The following PJA2 variants were observed in gnomAD, a reference collection of about 807,000 sequenced individuals.
PJA2 encodes praja ring finger ubiquitin ligase 2.
A neutral mutation model predicts 69.3 loss-of-function variants in PJA2; 25 were observed. The ratio of observed to expected loss-of-function variants is 0.36; its 90% CI spans 0.26 to 0.50. PJA2 has a LOEUF of 0.50. Ranked by LOEUF, PJA2 falls within the 20% of genes least tolerant of loss-of-function variation. The pLI, the probability that PJA2 is intolerant of heterozygous loss-of-function variation, is 0.96. For synonymous variants in PJA2, 308 were observed against 277.8 expected (o/e 1.11, Z -1.08); for missense variants, 809 against 830.2 (o/e 0.97, Z 0.31).
At chr5:109,363,857 A>G (rs1206530999) in intron 5 of PJA2, among the ~76,000 whole-genome samples, 1 of 152,178 alleles carries the variant, frequency 6.6e-6, no homozygotes, top group Non-Finnish European at 1.5e-5. Context: ...GGAAGAAAAA[A>G]AAGGACTCAT....
intron 1 of PJA2, among the ~76,000 whole-genome samples, chr5:109,386,335 C>T (rs929118712): frequency 6.6e-6 from 1 of 152,092 alleles, no homozygotes; most frequent in African/African-American, 2.4e-5. Flanking sequence ...CACTTAGCAA[C>T]ATGGAGGATA....
At chr5:109,364,492 G>A (rs979077257) in intron 5 of PJA2, among the ~76,000 whole-genome samples, 4 of 150,208 alleles carry the variant, frequency 2.7e-5, no homozygotes, top group African/African-American at 7.3e-5. Context: ...GCGTAGTGGC[G>A]GGCGCCTGTA....
chr5:109,341,477 C>T (rs1400417715), intron 9 of PJA2, among the ~76,000 whole-genome samples: 11 of 135,556 alleles, frequency 8.1e-5, no homozygotes, highest in South Asian at 5.1e-4. Context: ...GGAGCCTCTC[C>T]GCCCGGCAGC....
At chr5:109,356,176 T>TA in intron 6 of PJA2, 150 bp from the exon 7 acceptor site, 1 of 597,376 alleles carries the variant, frequency 1.7e-6, no homozygotes, top group Admixed American at 2.9e-5. Context: ...CTTGTAGGGT[T>TA]AGGGGCAGGA....
At chr5:109,351,275 A>C (rs1054343662) in intron 7 of PJA2, among the ~76,000 whole-genome samples, 2 of 151,928 alleles carry the variant, frequency 1.3e-5, no homozygotes, top group Non-Finnish European at 2.9e-5. Context: ...CCTTACATTC[A>C]TAAGATGAAA....
rs1761925376 is a variant in PJA2, at chr5:109,335,610, T to C, written c.*1621A>G. The C allele has an allele frequency of 1.3e-5, 2 of 152,180 alleles. No individual in the cohort carries two copies. Among genetic ancestry groups the C allele is most frequent in the South Asian group, 4.1e-4 (2 of 4,834 alleles). 9.4% of individuals were successfully genotyped at this position (152,180 alleles called of 1,614,324 possible). ...ACACTAGCCACAAATTTCCACCATA[T>C]ACACATGAAATTAATTTTAATCTGT... On this transcript the variant is annotated 3_prime_UTR_variant, in exon 10 of 10. Coordinates refer to ENST00000361189, the MANE Select transcript of PJA2 (RefSeq NM_014819.5).
intron 1 of PJA2, among the ~76,000 whole-genome samples, chr5:109,395,559 A>G (rs989368881): frequency 2.0e-5 from 3 of 152,192 alleles, no homozygotes; most frequent in African/African-American, 7.2e-5. Flanking sequence ...CCCACAAGGA[A>G]AACAATAGGC....
intron 1 of PJA2, among the ~76,000 whole-genome samples, chr5:109,395,260 A>G (rs529914985): frequency 1.2e-3 from 188 of 152,364 alleles, no homozygotes; most frequent in African/African-American, 4.4e-3. Flanking sequence ...GGCTGGGCCC[A>G]GTGGCTCATG....
chr5:109,338,536 A>C (rs1245065767), intron 9 of PJA2, among the ~76,000 whole-genome samples: 1 of 147,038 alleles, frequency 6.8e-6, no homozygotes, highest in Non-Finnish European at 1.5e-5. Context: ...GCTACTCGGG[A>C]GGCTGAGGCA....
chr5:109,387,680 C>A (rs1747189650), intron 1 of PJA2, among the ~76,000 whole-genome samples: 1 of 152,130 alleles, frequency 6.6e-6, no homozygotes, highest in Non-Finnish European at 1.5e-5. Context: ...GAATTATTAA[C>A]CTAGAAGTAA....
chr5:109,401,991 T>A (rs1747563436), intron 1 of PJA2, among the ~76,000 whole-genome samples: 1 of 152,212 alleles, frequency 6.6e-6, no homozygotes, highest in South Asian at 2.1e-4. Context: ...ATTGTAAATA[T>A]ACTGTTGTAA....
intron 1 of PJA2, among the ~76,000 whole-genome samples, chr5:109,407,118 C>A (rs1747712422): frequency 6.6e-6 from 1 of 152,146 alleles, no homozygotes. Context: ...ATATTCCACT[C>A]TTGACTGTGG....
chr5:109,367,178 T>C (rs1014660616), intron 5 of PJA2, among the ~76,000 whole-genome samples: 1 of 148,822 alleles, frequency 6.7e-6, no homozygotes, highest in Non-Finnish European at 1.5e-5. Flanking sequence ...ATGATGTATA[T>C]TTATGATATA....
intron 4 of PJA2, among the ~76,000 whole-genome samples, chr5:109,375,465 G>A (rs772696277): frequency 6.6e-6 from 1 of 152,094 alleles, no homozygotes; most frequent in South Asian, 2.1e-4. Flanking sequence ...CCGAGATCAC[G>A]CCACTGCACT....
chr5:109,386,446 G>A (rs116797985), intron 1 of PJA2, among the ~76,000 whole-genome samples: 4,617 of 152,230 alleles, frequency 0.03, 90 homozygotes, highest in Middle Eastern at 0.048. Flanking sequence ...AGAAATCATG[G>A]AAATCACCCT....
intron 9 of PJA2, among the ~76,000 whole-genome samples, chr5:109,341,291 C>T (rs1245128073): frequency 2.0e-5 from 3 of 148,358 alleles, no homozygotes; most frequent in Non-Finnish European, 4.5e-5. Context: ...TCTGCCCCGC[C>T]GCCCCATCTG....
At position 109,337,263 on chromosome 5, in the gene PJA2, G is replaced by GT; in HGVS notation, c.2094dup (p.Pro699ThrfsTer4). On this transcript the variant is annotated frameshift_variant, in exon 10 of 10. Transcript: ENST00000361189. LOFTEE classifies it high-confidence loss of function. ...GCTTCTGCAATACTGTCATTTGAAGGTGGGGCATCAGGATCAGGCTCAGAG... is the reference window on the plus strand; with the variant it reads ...GCTTCTGCAATACTGTCATTTGAAGGTTGGGGCATCAGGATCAGGCTCAGAG... The GT allele has an allele frequency of 4.3e-6, 7 of 1,613,688 alleles. No individual in the cohort carries two copies. The highest frequency in any genetic ancestry group is 5.9e-6 in the Non-Finnish European group (7 of 1,179,918).
At chr5:109,380,804 C>CAAAAAAAAAAAAAAAAAAAA (rs34675958) in intron 3 of PJA2, among the ~76,000 whole-genome samples, 2 of 88,732 alleles carry the variant, frequency 2.3e-5, no homozygotes, top group Non-Finnish European at 2.0e-5. Flanking sequence ...GATTCCATCT[C>CAAAAAAAAAAAAAAAAAAAA]AAAAAAAAAA....
chr5:109,353,199 ACC>A (rs1461967842), intron 7 of PJA2, among the ~76,000 whole-genome samples: 93 of 57,014 alleles, frequency 1.6e-3, no homozygotes, highest in African/African-American at 8.8e-3. Context: ...TATATTAGAT[ACC>A]TATAATATCT....
Sources: gnomAD v4.1 joint callset for allele counts (sites outside exome capture counted in the v4.1 genomes callset) on GRCh38, gnomAD v4.1.1 for gene constraint, MANE v1.5 for transcripts, NCBI Gene and HGNC (gene_info 2026-07-23, HGNC 2026-07-21) for gene names.